Variants in PCDHA3 observed in about 807,000 individuals in gnomAD.
PCDHA3 encodes protocadherin alpha 3.
In PCDHA3, 41 loss-of-function variants were observed where a neutral mutation model predicts 62.2. The ratio of observed to expected loss-of-function variants is 0.66; its 90% CI spans 0.51 to 0.86. The LOEUF is 0.86. PCDHA3 is among the 40% of genes least tolerant of loss of function. The pLI, the probability that PCDHA3 is intolerant of heterozygous loss-of-function variation, is 0.00. For synonymous variants in PCDHA3, 640 were observed against 555.4 expected, an observed-to-expected ratio of 1.15 and a Z score of -2.14; for missense variants, 1,304 against 1,241.2, an observed-to-expected ratio of 1.05 and a Z score of -0.76.
rs1314333890 is a variant in PCDHA3, at chr5:141,000,908, T to TA, written c.2543-8708dup. ...GGGCAACAGATATAGACGCTGTCTCTAAAAAAAAAAATCCTGTGTGATTTA... is the reference window on the plus strand; with the variant it reads ...GGGCAACAGATATAGACGCTGTCTCTAAAAAAAAAAAATCCTGTGTGATTTA... On this transcript the variant is annotated intron_variant, in intron 3 of 3. Coordinates refer to ENST00000522353, the MANE Select transcript of PCDHA3 (RefSeq NM_018906.3). Among the ~76,000 whole-genome samples the TA allele has an allele frequency of 4.2e-4, 62 of 147,094 alleles. 1 individual carries two copies. Among genetic ancestry groups the TA allele is most frequent in the South Asian group, 3.0e-3 (14 of 4,626 alleles).
intron 1 of PCDHA3, chr5:140,841,882 T>C (rs2150324666): frequency 1.2e-6 from 2 of 1,613,800 alleles, no homozygotes; most frequent in East Asian, 4.5e-5. Context: ...CAAAGAACGA[T>C]GAGAATAAAC....
intron 1 of PCDHA3, chr5:140,877,128 G>C (rs782052511): frequency 3.1e-6 from 5 of 1,613,762 alleles, no homozygotes; most frequent in Non-Finnish European, 4.2e-6. Flanking sequence ...TGACGCTGCA[G>C]GTGTTCGTGC....
intron 1 of PCDHA3, among the ~76,000 whole-genome samples, chr5:140,832,950 G>A (rs112678369): frequency 0.015 from 2,239 of 152,242 alleles, 37 homozygotes; most frequent in Non-Finnish European, 0.018. Flanking sequence ...ACTTAAGTGA[G>A]TATACAGAAA....
chr5:140,845,374 TAGG>T (rs1779845907), intron 1 of PCDHA3, among the ~76,000 whole-genome samples: 1 of 149,664 alleles, frequency 6.7e-6, no homozygotes, highest in South Asian at 2.1e-4. Flanking sequence ...ATATCATAAA[TAGG>T]AGGATTCTTT....
At position 140,856,588 on chromosome 5, in the gene PCDHA3, T is replaced by C. The variant is rs201362862; in HGVS notation, c.2394+52997T>C. The C allele has an allele frequency of 5.2e-5, 83 of 1,597,798 alleles. 1 individual carries two copies. In the East Asian group the frequency reaches 1.3e-3, roughly 25 times the overall value. ...GTCCAAATGAGTATTTTGTTCTTGA[T>C]ATTATAAACAAAAAAGACAAAGACA... On this transcript the variant is annotated intron_variant, in intron 1 of 3. Coordinates refer to ENST00000522353, the MANE Select transcript of PCDHA3 (RefSeq NM_018906.3).
intron 1 of PCDHA3, among the ~76,000 whole-genome samples, chr5:140,972,991 T>C (rs142551667): frequency 6.6e-6 from 1 of 152,222 alleles, no homozygotes; most frequent in Non-Finnish European, 1.5e-5. Context: ...GTAGATTCTG[T>C]GCATTTGTGG....
At chr5:140,967,141 G>T in intron 1 of PCDHA3, 2 of 1,611,258 alleles carry the variant, frequency 1.2e-6, no homozygotes, top group South Asian at 1.1e-5. Flanking sequence ...AAGTGCTGGC[G>T]CACAACCCCG....
At chr5:140,945,024 A>G (rs1554216669) in intron 1 of PCDHA3, among the ~76,000 whole-genome samples, 1 of 152,122 alleles carries the variant, frequency 6.6e-6, no homozygotes, top group Non-Finnish European at 1.5e-5. Flanking sequence ...TTTTACTCAG[A>G]CATAATTATC....
rs782723045 is a variant in PCDHA3 at position 140,801,707 on chromosome 5, C to G, written c.510C>G (p.Tyr170Ter). The change falls in exon 1 of 4, where the codon TAC becomes TAG. Residue 170 changes from tyrosine to a stop codon, truncating the protein, a stop_gained. Transcript: ENST00000522353. LOFTEE classifies it high-confidence loss of function. The stretch of plus-strand genomic sequence containing the variant: ...TCGGAACAAATTCGTTGTTGACTTA[C>G]AGTCTTGATTCCACTGAATATTTTA... The part of the protein sequence containing the change: ...ADIGTNSLLT[Y>*]SLDSTEYFTL... 6.2e-7 allele frequency: 1 copy of G among 1,614,108 alleles called. No homozygotes were observed. The highest frequency in any genetic ancestry group is 1.1e-5 in the South Asian group (1 of 91,080).
At position 140,927,110 on chromosome 5, in the gene PCDHA3, G is replaced by T; in HGVS notation, c.2395-51839G>T. The T allele has an allele frequency of 3.7e-6, 6 of 1,613,752 alleles. No individual in the cohort carries two copies. The Middle Eastern group carries it at 8.3e-4, about 222-fold the overall frequency. On this transcript the variant is annotated intron_variant, in intron 1 of 3. Transcript: ENST00000522353. ...TACTTCGGGGTGGATCTACCCAGCG[G>T]CAATTTGGTGGTCAGAGAGCCGGCG...
intron 1 of PCDHA3, chr5:140,856,196 G>T: frequency 6.3e-7 from 1 of 1,598,194 alleles, no homozygotes; most frequent in Non-Finnish European, 8.6e-7. Flanking sequence ...CATCGCGCAG[G>T]ACCTGGGGCT....
intron 1 of PCDHA3, chr5:140,864,334 G>T (rs1303822617): frequency 6.6e-6 from 1 of 152,076 alleles, no homozygotes; most frequent in Non-Finnish European, 1.5e-5. Flanking sequence ...AATTATTTGA[G>T]TTTAAAACAT....
At chr5:140,826,125 T>G (rs2150142627) in intron 1 of PCDHA3, among the ~76,000 whole-genome samples, 3 of 152,250 alleles carry the variant, frequency 2.0e-5, no homozygotes, top group African/African-American at 7.2e-5. Context: ...CCTAATATCC[T>G]GAGCTACTTT....
chr5:140,829,585 G>T (rs2150170592), intron 1 of PCDHA3: 20 of 1,612,244 alleles, frequency 1.2e-5, no homozygotes, highest in Non-Finnish European at 1.6e-5. Context: ...TGGAGCGGCG[G>T]GTGGGCGAGC....
chr5:140,804,074 T>C (rs6579987), intron 1 of PCDHA3: 91,385 of 159,604 alleles, frequency 0.57, 26,943 homozygotes, highest in African/African-American at 0.7. Context: ...CACCTTCAGT[T>C]TCAAAAATTA....
Position 140,803,088 on chromosome 5 carries a change from A to G in PCDHA3, c.1891A>G (p.Ile631Val). 6.2e-7 allele frequency: 1 copy of G among 1,613,866 alleles called. No homozygotes were observed. The highest frequency in any genetic ancestry group is 1.3e-5 in the African/African-American group (1 of 75,038). ...TCGCGTGGGGCTGTACACGGGAGAG[A>G]TCAGCACGACCCGTGCCCTGGACGA... is the stretch of plus-strand genomic sequence containing the variant. ...PFRVGLYTGE[I>V]STTRALDEVD... Residue 631 changes from isoleucine (I) to valine (V), a missense_variant, in exon 1 of 4, where the codon ATC (isoleucine) becomes GTC (valine). Ile to Val is a conservative substitution (Grantham distance 29). Coordinates refer to ENST00000522353, the MANE Select transcript of PCDHA3 (RefSeq NM_018906.3).
intron 1 of PCDHA3, among the ~76,000 whole-genome samples, chr5:140,972,732 C>T (rs2096552874): frequency 1.3e-5 from 2 of 149,646 alleles, no homozygotes; most frequent in Non-Finnish European, 3.0e-5. Flanking sequence ...GGCGTAATCC[C>T]GGCTCACTGC....
chr5:140,856,604 G>C lies in PCDHA3; in HGVS notation c.2394+53013G>C, dbSNP rs200468399. 1,451 of 1,597,840 alleles carry C rather than the reference G, an allele frequency of 9.1e-4. 118 individuals are homozygous for C. Among genetic ancestry groups the C allele is most frequent in the Non-Finnish European group, 8.3e-4 (967 of 1,167,426 alleles). ...TGTTCTTGATATTATAAACAAAAAA[G>C]ACAAAGACAAATTCCCAGTGCTTGT... On this transcript the variant is annotated intron_variant, in intron 1 of 3. Coordinates refer to ENST00000522353, the MANE Select transcript of PCDHA3 (RefSeq NM_018906.3).
intron 1 of PCDHA3, chr5:140,858,650 T>A (rs1581517795): frequency 6.1e-6 from 5 of 822,646 alleles, no homozygotes; most frequent in Admixed American, 3.2e-5. Context: ...GGTACTTAAA[T>A]TTTTTTAAAT....
Sources: allele counts gnomAD v4.1 joint callset (sites outside exome capture counted in the v4.1 genomes callset), GRCh38; gene constraint gnomAD v4.1.1; transcripts MANE v1.5; gene names NCBI Gene and HGNC (gene_info 2026-07-23, HGNC 2026-07-21).